The following TNIK variants were observed in gnomAD, a reference collection of about 807,000 sequenced individuals.
TNIK encodes TRAF2 and NCK-interacting protein kinase.
A neutral mutation model predicts 191.3 loss-of-function variants in TNIK; 49 were observed. The ratio of observed to expected loss-of-function variants is 0.26; its 90% CI spans 0.20 to 0.32. TNIK has a LOEUF of 0.32. Among genes scored for constraint, TNIK ranks in the 10% least tolerant of loss-of-function variants. The pLI is 1.00. For missense variants in TNIK, 1,155 were observed against 1,702.3 expected, an observed-to-expected ratio of 0.68 and a Z score of 5.66; for synonymous variants, 594 against 600.9, an observed-to-expected ratio of 0.99 and a Z score of 0.17.
intron 2 of TNIK, among the ~76,000 whole-genome samples, chr3:171,286,461 G>A (rs767723109): frequency 1.3e-5 from 2 of 151,980 alleles, no homozygotes; most frequent in Non-Finnish European, 2.9e-5. Flanking sequence ...ATGGTGAAAC[G>A]CCATCTCTAC....
At chr3:171,282,432 C>T (rs1276234018) in intron 2 of TNIK, among the ~76,000 whole-genome samples, 2 of 149,472 alleles carry the variant, frequency 1.3e-5, no homozygotes, top group East Asian at 3.9e-4. Flanking sequence ...ACCTCCAACT[C>T]CTGGGTTCAA....
intron 2 of TNIK, among the ~76,000 whole-genome samples, chr3:171,313,352 A>T (rs1327642405): frequency 6.6e-6 from 1 of 151,860 alleles, no homozygotes; most frequent in African/African-American, 2.4e-5. Context: ...CTCAACTTCA[A>T]CCTGTTCATG....
At chr3:171,374,907 TGGAGGCAC>T (rs1042700041) in intron 1 of TNIK, among the ~76,000 whole-genome samples, 1 of 152,212 alleles carries the variant, frequency 6.6e-6, no homozygotes, top group African/African-American at 2.4e-5. Flanking sequence ...GATTAGGAAA[TGGAGGCAC>T]GGAGGGATTA....
intron 2 of TNIK, among the ~76,000 whole-genome samples, chr3:171,260,831 G>A (rs1747511814): frequency 6.6e-6 from 1 of 152,036 alleles, no homozygotes; most frequent in African/African-American, 2.4e-5. Context: ...AATTCCTTGG[G>A]GTCAAATAGG....
intron 3 of TNIK, among the ~76,000 whole-genome samples, chr3:171,223,444 T>C (rs1354293518): frequency 1.3e-5 from 2 of 152,188 alleles, no homozygotes; most frequent in African/African-American, 4.8e-5. Flanking sequence ...TTTTAGTAAA[T>C]GTTTGTTGAA....
intron 5 of TNIK, among the ~76,000 whole-genome samples, chr3:171,193,465 GTC>G (rs1464233112): frequency 6.6e-6 from 1 of 152,076 alleles, no homozygotes; most frequent in Non-Finnish European, 1.5e-5. Context: ...ATTTATTAAG[GTC>G]TTCTTTAATA....
intron 2 of TNIK, among the ~76,000 whole-genome samples, chr3:171,324,276 CTG>C (rs372254712): frequency 4.3e-4 from 65 of 152,252 alleles, no homozygotes; most frequent in African/African-American, 1.5e-3. Context: ...TTTTGAGTAA[CTG>C]AACTCTGTGA....
At chr3:171,111,530 A>G (rs1725858138) in intron 18 of TNIK, among the ~76,000 whole-genome samples, 1 of 152,224 alleles carries the variant, frequency 6.6e-6, no homozygotes, top group Admixed American at 6.5e-5. Flanking sequence ...GTGAGGATGC[A>G]GAGAAGAGGG....
At chr3:171,438,767 C>G (rs569626324) in intron 1 of TNIK, among the ~76,000 whole-genome samples, 19 of 152,300 alleles carry the variant, frequency 1.2e-4, no homozygotes, top group African/African-American at 4.3e-4. Flanking sequence ...GGTTTTGTGG[C>G]TCGATCAGGT....
intron 9 of TNIK, among the ~76,000 whole-genome samples, chr3:171,172,347 G>A (rs571581533): frequency 2.0e-5 from 3 of 152,106 alleles, no homozygotes; most frequent in Non-Finnish European, 4.4e-5. Flanking sequence ...AGAATAGCTG[G>A]AAATAAAAGA....
intron 1 of TNIK, among the ~76,000 whole-genome samples, chr3:171,391,165 G>A (rs535762071): frequency 6.6e-5 from 10 of 152,068 alleles, no homozygotes; most frequent in East Asian, 3.9e-4. Flanking sequence ...AATCACCTTC[G>A]CTGGGATGAT....
chr3:171,092,466 C>A (rs953469556), intron 23 of TNIK, among the ~76,000 whole-genome samples: 1 of 152,208 alleles, frequency 6.6e-6, no homozygotes, highest in Admixed American at 6.5e-5. Flanking sequence ...CACTCCAGAA[C>A]GTTCTCCCTC....
At chr3:171,119,518 C>G (rs1363571139) in intron 18 of TNIK, among the ~76,000 whole-genome samples, 1 of 152,184 alleles carries the variant, frequency 6.6e-6, no homozygotes, top group African/African-American at 2.4e-5. Flanking sequence ...AGGCACTATT[C>G]ACAATGACAA....
chr3:171,071,925 A>T (rs1445120996), intron 28 of TNIK, among the ~76,000 whole-genome samples: 3 of 152,178 alleles, frequency 2.0e-5, no homozygotes, highest in Non-Finnish European at 4.4e-5. Flanking sequence ...AGCATTGTAA[A>T]TTCTATGGAC....
intron 7 of TNIK, among the ~76,000 whole-genome samples, chr3:171,180,182 C>G (rs35546590): frequency 1.3e-5 from 2 of 152,126 alleles, no homozygotes; most frequent in African/African-American, 4.8e-5. Context: ...GGAAAATGCT[C>G]GAAGGCCCAG....
intron 2 of TNIK, among the ~76,000 whole-genome samples, chr3:171,282,334 GTTTTTTGTTTT>G (rs1380949431): frequency 8.7e-6 from 1 of 114,524 alleles, no homozygotes; most frequent in African/African-American, 3.5e-5. Context: ...TCTCTTAATG[GTTTTTTGTTTT>G]TTTTTTTTTT....
intron 2 of TNIK, among the ~76,000 whole-genome samples, chr3:171,340,922 AC>A (rs1757438508): frequency 6.6e-6 from 1 of 151,914 alleles, no homozygotes; most frequent in East Asian, 1.9e-4. Flanking sequence ...AAAAAAGCCT[AC>A]AAATTTGGAA....
chr3:171,379,597 A>G (rs941840053), intron 1 of TNIK, among the ~76,000 whole-genome samples: 2 of 152,242 alleles, frequency 1.3e-5, no homozygotes, highest in Admixed American at 1.3e-4. Context: ...CACCAACTCC[A>G]TAAGGCAAGT....
intron 1 of TNIK, among the ~76,000 whole-genome samples, chr3:171,455,022 T>C (rs1000443367): frequency 2.6e-5 from 4 of 152,228 alleles, no homozygotes; most frequent in African/African-American, 4.8e-5. Flanking sequence ...TGATAGTTGA[T>C]ACTAGTTTAG....
Sources: gnomAD v4.1 joint callset for allele counts (sites outside exome capture counted in the v4.1 genomes callset) on GRCh38, gnomAD v4.1.1 for gene constraint, MANE v1.5 for transcripts, NCBI Gene and HGNC (gene_info 2026-07-23, HGNC 2026-07-21) for gene names.